The following FAM120B variants were observed in gnomAD, a reference collection of about 807,000 sequenced individuals.
FAM120B encodes the protein constitutive coactivator of peroxisome proliferator-activated receptor gamma.
Under a neutral mutation model 96.3 loss-of-function variants are expected in FAM120B, and 83 were observed. The ratio of observed to expected loss-of-function variants is 0.86; its 90% CI spans 0.72 to 1.03. The LOEUF (loss-of-function observed/expected upper bound fraction) is 1.03. Among genes scored for constraint, FAM120B ranks in the 50% least tolerant of loss-of-function variants. The pLI, the probability that FAM120B is intolerant of heterozygous loss-of-function variation, is 0.00. For missense variants in FAM120B, 1,027 were observed against 1,121.2 expected (o/e 0.92, Z 1.20); for synonymous variants, 407 against 402.7 (o/e 1.01, Z -0.13).
upstream of FAM120B, among the ~76,000 whole-genome samples, chr6:170,293,030 G>A (rs921498753): frequency 1.3e-5 from 2 of 152,140 alleles, no homozygotes; most frequent in Non-Finnish European, 2.9e-5. Context: ...ACTTGCTGTC[G>A]CCACAGGGAG....
chr6:170,335,176 T>C (rs367994623), intron 4 of FAM120B, among the ~76,000 whole-genome samples: 1 of 152,004 alleles, frequency 6.6e-6, no homozygotes, highest in African/African-American at 2.4e-5. Context: ...CCACATGCAT[T>C]AGGTATTTGT....
upstream of FAM120B, among the ~76,000 whole-genome samples, chr6:170,295,065 T>A (rs569961027): frequency 6.6e-6 from 1 of 152,312 alleles, no homozygotes; most frequent in East Asian, 1.9e-4. This position sits in a 1 kb window ranked among gnomAD's most constrained non-coding sequence, Gnocchi z 7.8. Context: ...CCATTCTCCT[T>A]CCGTCAGTTT....
At chr6:170,337,878 C>T (rs1376924326) in intron 4 of FAM120B, among the ~76,000 whole-genome samples, 1 of 152,088 alleles carries the variant, frequency 6.6e-6, no homozygotes, top group South Asian at 2.1e-4. Flanking sequence ...GTGGTGATAT[C>T]CCCTTTATCA....
chr6:170,296,894 TA>T (rs977913883), intron 1 of FAM120B, among the ~76,000 whole-genome samples: 1 of 152,014 alleles, frequency 6.6e-6, no homozygotes, highest in Non-Finnish European at 1.5e-5. Flanking sequence ...TGTGACTTTG[TA>T]AAAAAGTGAA....
At chr6:170,379,637 T>G (rs150465878) in intron 6 of FAM120B, among the ~76,000 whole-genome samples, 3 of 152,362 alleles carry the variant, frequency 2.0e-5, no homozygotes, top group African/African-American at 7.2e-5. Context: ...AAAAGGGGGT[T>G]AAATTACTGT....
intron 6 of FAM120B, among the ~76,000 whole-genome samples, chr6:170,381,839 TGGA>T (rs1789922991): frequency 6.6e-6 from 1 of 151,022 alleles, no homozygotes; most frequent in South Asian, 2.1e-4. Flanking sequence ...AAAATGATAA[TGGA>T]GGAGATCTTT....
intron 6 of FAM120B, among the ~76,000 whole-genome samples, chr6:170,359,095 C>T (rs1414610784): frequency 6.6e-6 from 1 of 152,144 alleles, no homozygotes; most frequent in Non-Finnish European, 1.5e-5. Context: ...TTATAAATGG[C>T]TTTTACTCAA....
At chr6:170,355,999 T>C (rs1787923604) in intron 5 of FAM120B, among the ~76,000 whole-genome samples, 1 of 152,150 alleles carries the variant, frequency 6.6e-6, no homozygotes, top group Non-Finnish European at 1.5e-5. Context: ...CGCCTGCTGT[T>C]CCATATGAAC....
At chr6:170,404,408 G>C in intron 9 of FAM120B, 142 bp from the exon 10 acceptor site, 1 of 648,076 alleles carries the variant, frequency 1.5e-6, no homozygotes, top group Non-Finnish European at 2.6e-6. Flanking sequence ...ATGGCATGTG[G>C]CCACAACTGT....
intron 1 of FAM120B, among the ~76,000 whole-genome samples, chr6:170,316,053 G>A (rs1044000867): frequency 2.2e-5 from 2 of 92,940 alleles, no homozygotes; most frequent in African/African-American, 4.1e-5. Flanking sequence ...AGTGAGACCC[G>A]GTCTCAAAAA....
chr6:170,307,564 A>G (rs1436125715), intron 1 of FAM120B, among the ~76,000 whole-genome samples: 1 of 152,250 alleles, frequency 6.6e-6, no homozygotes, highest in Non-Finnish European at 1.5e-5. Flanking sequence ...GGCAGTAAGA[A>G]CATAAATGTT....
intron 3 of FAM120B, among the ~76,000 whole-genome samples, chr6:170,325,039 G>A (rs961871891): frequency 6.6e-6 from 1 of 152,166 alleles, no homozygotes; most frequent in African/African-American, 2.4e-5. Flanking sequence ...AGCTCTTACT[G>A]TGGATTTGTC....
At chr6:170,300,269 T>C (rs1393792354) in intron 1 of FAM120B, among the ~76,000 whole-genome samples, 1 of 152,098 alleles carries the variant, frequency 6.6e-6, no homozygotes, top group Non-Finnish European at 1.5e-5. Context: ...CAAAGAGAAG[T>C]GCAGAGCAAA....
intron 6 of FAM120B, among the ~76,000 whole-genome samples, chr6:170,371,269 T>C (rs1789172528): frequency 6.6e-6 from 1 of 152,126 alleles, no homozygotes; most frequent in Admixed American, 6.5e-5. Flanking sequence ...GTGTCTGGCA[T>C]CATTCACTGA....
chr6:170,347,753 T>C (rs1787288790), intron 4 of FAM120B, among the ~76,000 whole-genome samples: 1 of 152,176 alleles, frequency 6.6e-6, no homozygotes, highest in Non-Finnish European at 1.5e-5. Context: ...AAACCATTAA[T>C]TTAAGAGAGT....
intron 1 of FAM120B, among the ~76,000 whole-genome samples, chr6:170,297,164 C>G (rs1432672418): frequency 1.3e-5 from 2 of 152,238 alleles, no homozygotes; most frequent in Non-Finnish European, 2.9e-5. Flanking sequence ...TGTCTGGCTG[C>G]AGGGTTGGTT....
chr6:170,299,449 A>G (rs567653013), intron 1 of FAM120B, among the ~76,000 whole-genome samples: 78 of 152,316 alleles, frequency 5.1e-4, no homozygotes, highest in African/African-American at 1.9e-3. Flanking sequence ...TAGGCTTATC[A>G]GTTGTATCAG....
intron 8 of FAM120B, among the ~76,000 whole-genome samples, chr6:170,393,035 C>T (rs576603612): frequency 6.6e-6 from 1 of 151,632 alleles, no homozygotes; most frequent in Admixed American, 6.6e-5. Context: ...AAGTTTGCGC[C>T]GTGGCTGGGC....
chr6:170,328,688 G>A (rs574453453), intron 3 of FAM120B, among the ~76,000 whole-genome samples: 10 of 152,070 alleles, frequency 6.6e-5, no homozygotes, highest in South Asian at 2.1e-4. Flanking sequence ...AGAAATGAGC[G>A]TTTTTTTAAA....
Sources: allele counts gnomAD v4.1 joint callset (sites outside exome capture counted in the v4.1 genomes callset), GRCh38; gene constraint gnomAD v4.1.1; non-coding constraint Gnocchi (gnomAD v3.1); transcripts MANE v1.5; gene names NCBI Gene and HGNC (gene_info 2026-07-23, HGNC 2026-07-21).